TRPC1: variants seen among roughly 807,000 people sequenced by gnomAD.
TRPC1 encodes the protein transient receptor potential cation channel subfamily C member 1, also known as short transient receptor potential channel 1.
A neutral mutation model predicts 88.2 loss-of-function variants in TRPC1; 42 were observed. The observed-to-expected ratio is 0.48, with a 90% CI of 0.37 to 0.62. The LOEUF is 0.62. Ranked by LOEUF, TRPC1 falls within the 20% of genes least tolerant of loss-of-function variation. TRPC1 has a pLI of 0.00. For synonymous variants in TRPC1, 288 were observed against 331.8 expected (o/e 0.87, Z 1.43); for missense variants, 699 against 957.3 (o/e 0.73, Z 3.56).
At chr3:142,749,501 C>T (rs1934675347) in intron 4 of TRPC1, among the ~76,000 whole-genome samples, 1 of 152,114 alleles carries the variant, frequency 6.6e-6, no homozygotes, top group Admixed American at 6.6e-5. Flanking sequence ...TGAAGACCTT[C>T]CATTGGGACA....
At chr3:142,794,368 A>C (rs372638903) in intron 9 of TRPC1, among the ~76,000 whole-genome samples, 1 of 152,118 alleles carries the variant, frequency 6.6e-6, no homozygotes, top group East Asian at 1.9e-4. Context: ...TTTAGGAATG[A>C]AGAGTCAATT....
chr3:142,727,633 C>T (rs1304973164), intron 1 of TRPC1, among the ~76,000 whole-genome samples: 1 of 151,998 alleles, frequency 6.6e-6, no homozygotes, highest in Non-Finnish European at 1.5e-5. Flanking sequence ...AAAGGAAAAC[C>T]TTAATTGAAA....
intron 4 of TRPC1, among the ~76,000 whole-genome samples, chr3:142,759,305 A>T (rs1308810111): frequency 6.6e-6 from 1 of 152,328 alleles, no homozygotes; most frequent in South Asian, 2.1e-4. Context: ...GTGTAAAAGT[A>T]TTCCTGTTTC....
At chr3:142,759,935 A>G (rs1274747164) in intron 4 of TRPC1, among the ~76,000 whole-genome samples, 1 of 152,108 alleles carries the variant, frequency 6.6e-6, no homozygotes, top group African/African-American at 2.4e-5. Flanking sequence ...GCTCACTGCA[A>G]GCTCCGCCTC....
At position 142,739,135 on chromosome 3, in the gene TRPC1, C is replaced by T. The variant is rs151332531; in HGVS notation, c.327+2602C>T. 7.0e-3 allele frequency among the ~76,000 whole-genome samples: 1,059 copies of T among 152,020 alleles called. 28 individuals carry two copies. In the East Asian group the frequency reaches 0.09, roughly 13 times the overall value. ...TATTATAGGCATGCACCATCACGCC[C>T]GGCTAATTTTGTATTTTTAGTAGAG... On this transcript the variant is annotated intron_variant, in intron 2 of 12. Coordinates refer to ENST00000476941, the MANE Select transcript of TRPC1 (RefSeq NM_001251845.2).
At chr3:142,793,616 G>A (rs1453209165) in intron 9 of TRPC1, among the ~76,000 whole-genome samples, 1 of 152,000 alleles carries the variant, frequency 6.6e-6, no homozygotes, top group Non-Finnish European at 1.5e-5. Flanking sequence ...TTGCACCAAA[G>A]AAAAGACTCA....
intron 6 of TRPC1, among the ~76,000 whole-genome samples, chr3:142,784,330 T>C (rs144941278): frequency 2.6e-5 from 4 of 152,278 alleles, no homozygotes; most frequent in East Asian, 3.9e-4. Flanking sequence ...TTAATACTTA[T>C]AGAGTGCATG....
At chr3:142,768,374 T>C (rs1184839128) in intron 4 of TRPC1, among the ~76,000 whole-genome samples, 21 of 152,168 alleles carry the variant, frequency 1.4e-4, no homozygotes, top group Admixed American at 1.2e-3. Flanking sequence ...TTATAATTGC[T>C]ATGTATTCCT....
chr3:142,781,450 C>T (rs531066264), intron 6 of TRPC1, among the ~76,000 whole-genome samples: 50 of 151,948 alleles, frequency 3.3e-4, no homozygotes, highest in Non-Finnish European at 3.1e-4. Context: ...TATAAATAGC[C>T]CCTTCTATAG....
chr3:142,743,385 C>A, intron 2 of TRPC1, 100 bp from the exon 3 acceptor site: 1 of 912,174 alleles, frequency 1.1e-6, no homozygotes, highest in Non-Finnish European at 1.6e-6. Flanking sequence ...GTATATAATA[C>A]AGTTTAAATT....
chr3:142,777,542 TTAAG>T (rs1324150006), intron 4 of TRPC1, 86 bp from the exon 5 acceptor site: 83 of 773,838 alleles, frequency 1.1e-4, no homozygotes, highest in Non-Finnish European at 1.4e-4. Context: ...TTATAATATT[TTAAG>T]TATACATTTA....
intron 9 of TRPC1, among the ~76,000 whole-genome samples, chr3:142,796,207 G>T (rs918275131): frequency 4.6e-5 from 7 of 152,072 alleles, no homozygotes; most frequent in Non-Finnish European, 4.4e-5. Flanking sequence ...TTCCGCCTAG[G>T]TGGTTTGGCT....
chr3:142,804,757 A>G (rs370171949), intron 12 of TRPC1, 127 bp downstream of exon 12: 12 of 762,970 alleles, frequency 1.6e-5, no homozygotes, highest in South Asian at 4.1e-5. Flanking sequence ...TCACTGCTAT[A>G]TACCCTAATG....
At chr3:142,726,105 G>T (rs1318963580) in intron 1 of TRPC1, among the ~76,000 whole-genome samples, 1 of 152,176 alleles carries the variant, frequency 6.6e-6, no homozygotes, top group Non-Finnish European at 1.5e-5. Flanking sequence ...GCTGGAGTGG[G>T]TTGCCTGAGT....
chr3:142,740,258 C>T (rs1204776456), intron 2 of TRPC1, among the ~76,000 whole-genome samples: 2 of 152,188 alleles, frequency 1.3e-5, no homozygotes, highest in Non-Finnish European at 2.9e-5. Context: ...ATTTGGAAAT[C>T]TTAAACGTGG....
Position 142,758,668 on chromosome 3 carries a change from T to C in TRPC1, c.632+10208T>C, listed in dbSNP as rs184432817. 2.7e-3 allele frequency among the ~76,000 whole-genome samples: 415 copies of C among 152,220 alleles called. 1 individual carries two copies. The highest frequency in any genetic ancestry group is 6.1e-3 in the Admixed American group (93 of 15,290). On this transcript the variant is annotated intron_variant, in intron 4 of 12. Coordinates refer to ENST00000476941, the MANE Select transcript of TRPC1 (RefSeq NM_001251845.2). Reference sequence around the variant, plus strand: ...TGTCTATTTTTGCTTTGGTTGTCTGTACTTTTTTTTTCTTTTTTTTCAATT... The same window carrying C: ...TGTCTATTTTTGCTTTGGTTGTCTGCACTTTTTTTTTCTTTTTTTTCAATT...
At chr3:142,760,074 C>G (rs1355832087) in intron 4 of TRPC1, among the ~76,000 whole-genome samples, 1 of 152,154 alleles carries the variant, frequency 6.6e-6, no homozygotes, top group Non-Finnish European at 1.5e-5. Flanking sequence ...GATCCACCCA[C>G]CTCGGCCTCC....
At chr3:142,759,917 C>T (rs558236605) in intron 4 of TRPC1, among the ~76,000 whole-genome samples, 14 of 152,204 alleles carry the variant, frequency 9.2e-5, no homozygotes, top group South Asian at 4.1e-4. Context: ...TGCAGTGGCG[C>T]GATCTCGGCT....
At chr3:142,804,213 T>A in intron 11 of TRPC1, 35 bp downstream of exon 11, 1 of 1,601,252 alleles carries the variant, frequency 6.2e-7, no homozygotes, top group Non-Finnish European at 8.6e-7. Context: ...TATATTCTCC[T>A]CAGACCATAC....
Sources: gnomAD v4.1 joint callset for allele counts (sites outside exome capture counted in the v4.1 genomes callset) on GRCh38, gnomAD v4.1.1 for gene constraint, MANE v1.5 for transcripts, NCBI Gene and HGNC (gene_info 2026-07-23, HGNC 2026-07-21) for gene names.